Variants in PGRMC2 observed in about 807,000 individuals in gnomAD.
The protein encoded by PGRMC2 is membrane-associated progesterone receptor component 2.
Under a neutral mutation model 19.3 loss-of-function variants are expected in PGRMC2, and 9 were observed. The ratio of observed to expected loss-of-function variants is 0.47; its 90% CI spans 0.28 to 0.81. The LOEUF (loss-of-function observed/expected upper bound fraction) is 0.81. Ranked by LOEUF, PGRMC2 falls within the 40% of genes least tolerant of loss-of-function variation. PGRMC2 has a pLI of 0.11. For synonymous variants in PGRMC2, 157 were observed against 124.6 expected (o/e 1.26, Z -1.73); for missense variants, 289 against 297.3 (o/e 0.97, Z 0.21).
Position 128,271,311 on chromosome 4 carries a change from A to G in PGRMC2, c.*5T>C, listed in dbSNP as rs1760726101. ...AAGGCCCCTGACTTTGGTTGTTTAC[A>G]AAGTTCAATCCTGTTTATTGTGATC... is the stretch of plus-strand genomic sequence containing the variant. On this transcript the variant is annotated 3_prime_UTR_variant, in exon 3 of 3. Transcript: ENST00000296425. 1 of 1,522,208 alleles carries G rather than the reference A, an allele frequency of 6.6e-7. No individual in the cohort carries two copies. 94.3% of individuals were successfully genotyped at this position (1,522,208 alleles called of 1,614,324 possible).
rs1408810541 is a variant in PGRMC2, at chr4:128,269,296, C to T, written c.*2020G>A. The T allele has an allele frequency of 6.6e-6, 1 of 152,128 alleles. No homozygotes were observed. The highest frequency in any genetic ancestry group is 2.4e-5 in the African/African-American group (1 of 41,414). The allele number at this position is 152,128 out of a possible 1,614,324, so 9.4% of individuals were successfully genotyped here. On this transcript the variant is annotated 3_prime_UTR_variant, in exon 3 of 3. Coordinates refer to ENST00000296425, the MANE Select transcript of PGRMC2 (RefSeq NM_006320.6). ...TTTCAAGTCCAAAACACAAATTACT[C>T]ATTTTTCTTAACAGACCGCATAATT...
intron 1 of PGRMC2, among the ~76,000 whole-genome samples, chr4:128,281,405 G>C (rs1191643143): frequency 6.6e-6 from 1 of 152,132 alleles, no homozygotes; most frequent in Admixed American, 6.6e-5. Context: ...AGAAGCATAG[G>C]ATAGTCATCT....
intron 1 of PGRMC2, 88 bp from the exon 2 acceptor site, chr4:128,272,605 ACAAC>A: frequency 1.3e-6 from 1 of 773,960 alleles, no homozygotes; most frequent in Non-Finnish European, 1.8e-6. Flanking sequence ...AAAAAAAAAC[ACAAC>A]AAAGAAAAAA....
intron 2 of PGRMC2, 32 bp downstream of exon 2, chr4:128,272,330 A>G (rs748778044): frequency 1.5e-6 from 2 of 1,344,960 alleles, no homozygotes; most frequent in Non-Finnish European, 9.8e-7. Flanking sequence ...CAAATATTTA[A>G]TTTTCCAAAG....
At chr4:128,280,169 T>C (rs771563003) in intron 1 of PGRMC2, among the ~76,000 whole-genome samples, 15 of 151,684 alleles carry the variant, frequency 9.9e-5, no homozygotes, top group Non-Finnish European at 1.8e-4. Context: ...TGGGCACATA[T>C]AACAGATACA....
rs1021572948 is a variant in PGRMC2 at position 128,269,678 on chromosome 4, T to C, written c.*1638A>G. ...TTAACTGGTGACCTGTTAAATAACA[T>C]TGCCTTTTTAAGTGAACTTGTCCCC... On this transcript the variant is annotated 3_prime_UTR_variant, in exon 3 of 3. Transcript: ENST00000296425. 2.6e-5 allele frequency: 4 copies of C among 152,294 alleles called. No homozygotes were observed. Among genetic ancestry groups the C allele is most frequent in the East Asian group, 3.9e-4 (2 of 5,186 alleles). The allele number at this position is 152,294 out of a possible 1,614,324, so 9.4% of individuals were successfully genotyped here. A position where few individuals can be genotyped will look rare whatever the true frequency, so the allele number is the denominator to read the frequency against.
rs1760693278 is a variant in PGRMC2 at position 128,269,518 on chromosome 4, T to G, written c.*1798A>C. ...TCCACAACCAGTCTTCAGCAAAGAT[T>G]TGGCTGAAGATAACTTTCTACAAAA... On this transcript the variant is annotated 3_prime_UTR_variant, in exon 3 of 3. Coordinates refer to ENST00000296425, the MANE Select transcript of PGRMC2 (RefSeq NM_006320.6). The G allele has an allele frequency of 6.6e-6, 1 of 152,086 alleles. No homozygotes were observed. The highest frequency in any genetic ancestry group is 6.5e-5 in the Admixed American group (1 of 15,270). The allele number at this position is 152,086 out of a possible 1,614,324, so 9.4% of individuals were successfully genotyped here.
chr4:128,272,386 G>A lies in PGRMC2; in HGVS notation c.550C>T (p.Arg184Ter). The change falls in exon 2 of 3, where the codon CGA (arginine) becomes TGA (stop). Residue 184 changes from arginine to a stop codon, truncating the protein, a stop_gained. Transcript: ENST00000296425. LOFTEE classifies it high-confidence loss of function. ...DLNAVQMESV[R>*]EWEMQFKEKY... ...CCTTTAAACTGCATTTCCCATTCTCGAACACTCTCCATTTGTACTGCATTC... is the reference window on the plus strand; with the variant it reads ...CCTTTAAACTGCATTTCCCATTCTCAAACACTCTCCATTTGTACTGCATTC... 6.6e-7 allele frequency: 1 copy of A among 1,517,342 alleles called. No homozygotes were observed. The highest frequency in any genetic ancestry group is 1.8e-4 in the Middle Eastern group (1 of 5,714). The allele number at this position is 1,517,342 out of a possible 1,614,324, so 94.0% of individuals were successfully genotyped here. A position where few individuals can be genotyped will look rare whatever the true frequency, so the allele number is the denominator to read the frequency against.
intron 1 of PGRMC2, among the ~76,000 whole-genome samples, chr4:128,280,352 GGAAAAAAAA>G (rs1338158835): frequency 8.3e-5 from 5 of 60,540 alleles, no homozygotes; most frequent in Admixed American, 2.3e-4. Flanking sequence ...AAATTTTCTG[GGAAAAAAAA>G]AAAAAAAAAA....
Position 128,287,500 on chromosome 4 carries a change from G to A in PGRMC2, c.291C>T (p.Arg97=). ...GEESPATSLP[R]MKKRDFSLEQ... ...CCAAGCTGAAGTCCCGCTTCTTCAT[G>A]CGAGGCAGAGAGGTGGCGGGGCTCT... is the stretch of plus-strand genomic sequence containing the variant. The change falls in exon 1 of 3, where the codon CGC becomes CGT. Residue 97 remains arginine, a synonymous_variant. Coordinates refer to ENST00000296425, the MANE Select transcript of PGRMC2 (RefSeq NM_006320.6). 1 of 1,612,754 alleles carries A rather than the reference G, an allele frequency of 6.2e-7. No homozygotes were observed. The highest frequency in any genetic ancestry group is 1.1e-5 in the South Asian group (1 of 90,822).
chr4:128,271,849 AG>A (rs1168781979), intron 2 of PGRMC2, among the ~76,000 whole-genome samples: 2 of 152,248 alleles, frequency 1.3e-5, no homozygotes, highest in African/African-American at 4.8e-5. Context: ...GAAAGGGGAA[AG>A]ATATTTTTTA....
At position 128,271,296 on chromosome 4, in the gene PGRMC2, A is replaced by C. The variant is rs1326452524; in HGVS notation, c.*20T>G. The C allele has an allele frequency of 7.3e-7, 1 of 1,376,552 alleles. No individual in the cohort carries two copies. Among genetic ancestry groups the C allele is most frequent in the Non-Finnish European group, 1.0e-6 (1 of 969,542 alleles). The allele number at this position is 1,376,552 out of a possible 1,614,324, so 85.3% of individuals were successfully genotyped here. On this transcript the variant is annotated 3_prime_UTR_variant, in exon 3 of 3. Transcript: ENST00000296425. ...AGAATTGCAGTTCTGAAGGCCCCTG[A>C]CTTTGGTTGTTTACAAAGTTCAATC... is the stretch of plus-strand genomic sequence containing the variant.
Position 128,270,561 on chromosome 4 carries a change from TA to T in PGRMC2, c.*754del, listed in dbSNP as rs3839124. ...CTGAATTCATTATAGGGGCTTTCCC[TA>T]AAAATAATTCAAGTCTATGTTAAGT... On this transcript the variant is annotated 3_prime_UTR_variant, in exon 3 of 3. Coordinates refer to ENST00000296425, the MANE Select transcript of PGRMC2 (RefSeq NM_006320.6). The T allele has an allele frequency of 0.01, 1,553 of 152,678 alleles. 35 individuals carry two copies. Among genetic ancestry groups the T allele is most frequent in the East Asian group, 0.084 (437 of 5,178 alleles). The allele number at this position is 152,678 out of a possible 1,614,324, so 9.5% of individuals were successfully genotyped here.
chr4:128,278,330 G>A (rs1760846043), intron 1 of PGRMC2, among the ~76,000 whole-genome samples: 1 of 152,096 alleles, frequency 6.6e-6, no homozygotes, highest in South Asian at 2.1e-4. Flanking sequence ...CAACCCCTTG[G>A]GAGGCCAAGG....
intron 1 of PGRMC2, among the ~76,000 whole-genome samples, chr4:128,283,079 AT>A (rs1760933080): frequency 6.6e-6 from 1 of 152,212 alleles, no homozygotes; most frequent in Admixed American, 6.5e-5. Flanking sequence ...CAAGTGTATA[AT>A]TTTTTGCCAT....
At position 128,272,458 on chromosome 4, in the gene PGRMC2, G is replaced by C; in HGVS notation, c.478C>G (p.Leu160Val). 1 of 1,584,640 alleles carries C rather than the reference G, an allele frequency of 6.3e-7. No homozygotes were observed. The change falls in exon 2 of 3, where the codon CTA (leucine) becomes GTA (valine). Residue 160 changes from leucine to valine, a missense_variant. Transcript: ENST00000296425. ...DASRGLATFC[L>V]DKDALRDEYD... ...TCATCTCTAAGTGCATCTTTATCTA[G>C]GCAAAATGTGGCCAGTCCTCTGGAG...
chr4:128,276,058 G>A (rs116051660), intron 1 of PGRMC2, among the ~76,000 whole-genome samples: 2,434 of 152,184 alleles, frequency 0.016, 37 homozygotes, highest in South Asian at 0.062. Context: ...ATAACATTAG[G>A]AACTAAAGTT....
intron 1 of PGRMC2, among the ~76,000 whole-genome samples, chr4:128,277,266 G>C (rs1004632414): frequency 2.0e-5 from 3 of 152,094 alleles, no homozygotes; most frequent in African/African-American, 7.2e-5. Context: ...TCCAACTTGT[G>C]GTCAAGATAT....
intron 2 of PGRMC2, among the ~76,000 whole-genome samples, chr4:128,271,862 C>T (rs957941611): frequency 2.0e-5 from 3 of 152,144 alleles, no homozygotes; most frequent in Admixed American, 6.6e-5. Context: ...TATTTTTTAT[C>T]TACATTTCGA....
Sources: allele counts gnomAD v4.1 joint callset (sites outside exome capture counted in the v4.1 genomes callset), GRCh38; gene constraint gnomAD v4.1.1; transcripts MANE v1.5; gene names NCBI Gene and HGNC (gene_info 2026-07-23, HGNC 2026-07-21).